Variants in SYN2 observed in about 807,000 individuals in gnomAD.
The protein encoded by SYN2 is synapsin II, also known as synapsin-2.
In SYN2, 19 loss-of-function variants were observed where a neutral mutation model predicts 50.9. The observed-to-expected ratio is 0.37, with a 90% confidence interval of 0.26 to 0.55. The LOEUF is 0.55. SYN2 is among the 20% of genes least tolerant of loss of function. SYN2 has a pLI of 0.81. For synonymous variants in SYN2, 255 were observed against 224.9 expected (o/e 1.13, Z -1.20); for missense variants, 587 against 576.4 (o/e 1.02, Z -0.19).
At chr3:12,021,529 A>G (rs572047670) in intron 1 of SYN2, among the ~76,000 whole-genome samples, 3 of 152,334 alleles carry the variant, frequency 2.0e-5, no homozygotes, top group Admixed American at 6.5e-5. Context: ...TGGGTGGACC[A>G]CTTGAGCCCT....
intron 1 of SYN2, among the ~76,000 whole-genome samples, chr3:12,103,276 A>G (rs73015310): frequency 0.037 from 5,685 of 152,260 alleles, 136 homozygotes; most frequent in Non-Finnish European, 0.052. Flanking sequence ...TAAGGAACTT[A>G]AGGAATAAGG....
chr3:12,076,805 T>A lies in SYN2; in HGVS notation c.378-63846T>A, dbSNP rs1209799133. ...CCATTACAGACCTCTTTGAAACTGTTTCTGGAAACAAATTTGATGTCACTC... is the reference window on the plus strand; with the variant it reads ...CCATTACAGACCTCTTTGAAACTGTATCTGGAAACAAATTTGATGTCACTC... On this transcript the variant is annotated intron_variant, in intron 1 of 12. Transcript: ENST00000621198. Among the ~76,000 whole-genome samples the A allele has an allele frequency of 2.6e-5, 4 of 152,082 alleles. No homozygotes were observed. In the East Asian group the frequency reaches 7.7e-4, roughly 29 times the overall value.
intron 1 of SYN2, among the ~76,000 whole-genome samples, chr3:12,074,856 A>G (rs905643626): frequency 6.6e-6 from 1 of 152,146 alleles, no homozygotes; most frequent in Non-Finnish European, 1.5e-5. Flanking sequence ...ATGACTTTGC[A>G]GTTTCTGATT....
chr3:12,114,200 T>C (rs1696383313), intron 1 of SYN2, among the ~76,000 whole-genome samples: 1 of 152,142 alleles, frequency 6.6e-6, no homozygotes, highest in Non-Finnish European at 1.5e-5. Context: ...TAATGACGAA[T>C]GATGTTGAGC....
chr3:12,079,715 T>C (rs1695547233), intron 1 of SYN2, among the ~76,000 whole-genome samples: 1 of 152,184 alleles, frequency 6.6e-6, no homozygotes, highest in South Asian at 2.1e-4. Context: ...CAGTATTTTA[T>C]TGAGAATTTT....
intron 1 of SYN2, among the ~76,000 whole-genome samples, chr3:12,112,909 G>C (rs896732507): frequency 1.3e-5 from 2 of 152,294 alleles, no homozygotes; most frequent in South Asian, 2.1e-4. Context: ...ATAGTCCAGA[G>C]AGGAATGATC....
chr3:12,179,926 C>T lies in SYN2; in HGVS notation c.1309-3386C>T, dbSNP rs1418124484. Among the ~76,000 whole-genome samples the T allele has an allele frequency of 2.6e-5, 4 of 152,240 alleles. No individual in the cohort carries two copies. In the East Asian group the frequency reaches 7.7e-4, roughly 29 times the overall value. On this transcript the variant is annotated intron_variant, in intron 10 of 12. Transcript: ENST00000621198. Reference sequence around the variant, plus strand: ...TGAGCCTGTCGTCACTCTGTAAACCCAAAGTTGGTTGGGGTTTATTATTTA... The same window carrying T: ...TGAGCCTGTCGTCACTCTGTAAACCTAAAGTTGGTTGGGGTTTATTATTTA...
intron 1 of SYN2, among the ~76,000 whole-genome samples, chr3:12,026,115 G>A (rs116084917): frequency 0.022 from 3,360 of 152,216 alleles, 136 homozygotes; most frequent in African/African-American, 0.076. Flanking sequence ...TTGGGTTGGG[G>A]TCAGTGGTTC....
Position 12,146,058 on chromosome 3 carries a change from A to G in SYN2, c.684+223A>G, listed in dbSNP as rs1259535788. On this transcript the variant is annotated intron_variant, in intron 4 of 12. Transcript: ENST00000621198. Reference sequence around the variant, plus strand: ...GGAGGGCTGGCCATCAGAATAGCACAGCATCACCTGTCACAGGCTCAGCAC... The same window carrying G: ...GGAGGGCTGGCCATCAGAATAGCACGGCATCACCTGTCACAGGCTCAGCAC... Among the ~76,000 whole-genome samples, 7 of 152,244 alleles carry G rather than the reference A, an allele frequency of 4.6e-5. No homozygotes were observed. The East Asian group carries it at 7.7e-4, about 17-fold the overall frequency.
At chr3:12,025,794 T>C (rs952129907) in intron 1 of SYN2, among the ~76,000 whole-genome samples, 1 of 152,144 alleles carries the variant, frequency 6.6e-6, no homozygotes, top group African/African-American at 2.4e-5. Context: ...ACCCTGTGCC[T>C]TCTCTGCTGC....
chr3:12,103,933 T>G (rs1353569360), intron 1 of SYN2, among the ~76,000 whole-genome samples: 1 of 152,142 alleles, frequency 6.6e-6, no homozygotes, highest in African/African-American at 2.4e-5. Flanking sequence ...TCAAATGGAA[T>G]TTTAAAATAA....
At chr3:12,065,894 A>G (rs992586366) in intron 1 of SYN2, among the ~76,000 whole-genome samples, 2 of 152,294 alleles carry the variant, frequency 1.3e-5, no homozygotes, top group East Asian at 3.9e-4. Flanking sequence ...ACAAGAGACC[A>G]CATGTTGTAT....
chr3:12,186,497 A>G (rs539966824), intron 11 of SYN2, among the ~76,000 whole-genome samples: 1 of 152,338 alleles, frequency 6.6e-6, no homozygotes, highest in East Asian at 1.9e-4. Context: ...GGCACCCACA[A>G]CATCCCCAGG....
intron 1 of SYN2, among the ~76,000 whole-genome samples, chr3:12,047,127 G>C (rs1185526011): frequency 1.3e-5 from 2 of 151,458 alleles, no homozygotes; most frequent in Non-Finnish European, 2.9e-5. Flanking sequence ...ATAATTAAGG[G>C]AAAGGCAAAT....
chr3:12,061,464 A>C (rs1185360914), intron 1 of SYN2, among the ~76,000 whole-genome samples: 1 of 152,142 alleles, frequency 6.6e-6, no homozygotes, highest in Non-Finnish European at 1.5e-5. Flanking sequence ...GTAAGAAACC[A>C]TACTTTCTCC....
At chr3:12,047,650 G>T in intron 1 of SYN2, among the ~76,000 whole-genome samples, 1 of 152,092 alleles carries the variant, frequency 6.6e-6, no homozygotes, top group East Asian at 1.9e-4. Context: ...TTAAGTTATT[G>T]AAATACTAGA....
chr3:12,187,225 T>G, intron 11 of SYN2, 144 bp from the exon 12 acceptor site: 1 of 1,206,362 alleles, frequency 8.3e-7, no homozygotes, highest in Non-Finnish European at 1.1e-6. Flanking sequence ...AGGACCCCCT[T>G]TAGGGCCCTT....
intron 10 of SYN2, among the ~76,000 whole-genome samples, chr3:12,173,770 T>C (rs1431847817): frequency 1.3e-5 from 2 of 151,940 alleles, no homozygotes; most frequent in Non-Finnish European, 2.9e-5. Context: ...AAAAATTAGC[T>C]GGGCATGGTG....
chr3:12,152,264 C>G (rs992085084), intron 5 of SYN2, among the ~76,000 whole-genome samples: 1 of 152,240 alleles, frequency 6.6e-6, no homozygotes, highest in African/African-American at 2.4e-5. Context: ...AGAACCATCT[C>G]TGTCATCTTT....
Sources: allele counts gnomAD v4.1 joint callset (sites outside exome capture counted in the v4.1 genomes callset), GRCh38; gene constraint gnomAD v4.1.1; transcripts MANE v1.5; gene names NCBI Gene and HGNC (gene_info 2026-07-23, HGNC 2026-07-21).